Variants in RPTOR observed in about 807,000 individuals in gnomAD.
The protein encoded by RPTOR is regulatory-associated protein of mTOR.
RPTOR carries 21 observed loss-of-function variants against 169.9 expected under a neutral mutation model. That is an observed-to-expected ratio of 0.12 (90% CI 0.09 to 0.18). The LOEUF (loss-of-function observed/expected upper bound fraction) is 0.18. RPTOR is among the 10% of genes least tolerant of loss of function. RPTOR has a pLI of 1.00. For synonymous variants in RPTOR, 732 were observed against 753.2 expected (o/e 0.97, Z 0.46); for missense variants, 1,133 against 1,855.9 (o/e 0.61, Z 7.16).
chr17:80,957,663 T>G lies in RPTOR; in HGVS notation c.3410T>G (p.Leu1137Arg), dbSNP rs1471943070. The change falls in exon 29 of 34, where the codon CTC becomes CGC. Residue 1137 changes from leucine to arginine, a missense_variant. Around this residue, in one of 9 missense-constraint regions of RPTOR, gnomAD observed 410 missense variants for 623.7 expected, o/e 0.66. Transcript: ENST00000306801. The surrounding 1 kb of genome is among the most constrained non-coding windows in gnomAD (Gnocchi z 4.6). ...GTGGACTGGGAGCAGGAGACCGGCC[T>G]CCTCATGAGCTCAGGAGACGTGCGG... Reference protein sequence around the residue: ...MVVDWEQETGLLMSSGDVRIV... With the variant: ...MVVDWEQETGRLMSSGDVRIV... The G allele has an allele frequency of 6.2e-7, 1 of 1,614,146 alleles. No individual in the cohort carries two copies. Among genetic ancestry groups the G allele is most frequent in the Admixed American group, 1.7e-5 (1 of 60,034 alleles).
chr17:80,689,710 A>T (rs1253475860), intron 3 of RPTOR, among the ~76,000 whole-genome samples: 2 of 152,250 alleles, frequency 1.3e-5, no homozygotes, highest in Admixed American at 1.3e-4. Context: ...TTTCTGAGAC[A>T]TATCACTATC....
chr17:80,864,371 A>T (rs58494676), intron 13 of RPTOR, among the ~76,000 whole-genome samples: 1 of 124,480 alleles, frequency 8.0e-6, no homozygotes, highest in Admixed American at 7.6e-5. Context: ...AAAAGGTGAG[A>T]ATGATGGCAA....
intron 1 of RPTOR, among the ~76,000 whole-genome samples, chr17:80,570,216 G>A (rs1027040074): frequency 3.9e-5 from 6 of 152,064 alleles, no homozygotes; most frequent in Admixed American, 3.3e-4. Context: ...CAGGGACCAC[G>A]TTCCTGTATG....
chr17:80,915,489 C>T (rs577756591), intron 21 of RPTOR, among the ~76,000 whole-genome samples: 19 of 134,300 alleles, frequency 1.4e-4, no homozygotes, highest in African/African-American at 5.1e-4. Flanking sequence ...GAGTTAACCA[C>T]TCCAGGGTCT....
intron 20 of RPTOR, among the ~76,000 whole-genome samples, chr17:80,902,650 A>G (rs2068491083): frequency 1.3e-5 from 2 of 152,242 alleles, no homozygotes; most frequent in African/African-American, 4.8e-5. Context: ...GGAGCTGCTC[A>G]GGATGGAAGG....
At chr17:80,677,180 C>A (rs577241676) in intron 3 of RPTOR, among the ~76,000 whole-genome samples, 4 of 152,138 alleles carry the variant, frequency 2.6e-5, no homozygotes, top group Non-Finnish European at 5.9e-5. Flanking sequence ...GTGAATATAC[C>A]TCTTTTTTAA....
At chr17:80,740,367 G>A (rs1196015729) in intron 5 of RPTOR, among the ~76,000 whole-genome samples, 1 of 152,140 alleles carries the variant, frequency 6.6e-6, no homozygotes. Flanking sequence ...CACCGGTTTT[G>A]TACAAGCTCT....
chr17:80,947,481 C>A lies in RPTOR; in HGVS notation c.3265+130C>A. On this transcript the variant is annotated intron_variant, in intron 27 of 33. Transcript: ENST00000306801. This position sits in a 1 kb window ranked among gnomAD's most constrained non-coding sequence, Gnocchi z 4.4. Reference sequence around the variant, plus strand: ...CCTGCTCACACGCGAGGGCCACTGTCATTCAGAAGTGGGGAGGTTTATGAG... The same window carrying A: ...CCTGCTCACACGCGAGGGCCACTGTAATTCAGAAGTGGGGAGGTTTATGAG... The A allele has an allele frequency of 8.2e-7, 1 of 1,223,284 alleles. No homozygotes were observed. Among genetic ancestry groups the A allele is most frequent in the Non-Finnish European group, 1.1e-6 (1 of 945,656 alleles). The allele number at this position is 1,223,284 out of a possible 1,614,324, so 75.8% of individuals were successfully genotyped here. A position where few individuals can be genotyped will look rare whatever the true frequency, so the allele number is the denominator to read the frequency against.
intron 7 of RPTOR, among the ~76,000 whole-genome samples, chr17:80,810,686 G>T (rs934977013): frequency 4.6e-5 from 7 of 152,154 alleles, no homozygotes; most frequent in African/African-American, 1.7e-4. Flanking sequence ...CTGAGATTTT[G>T]ACTGGAATTA....
chr17:80,623,497 T>C (rs1450967113), intron 1 of RPTOR, among the ~76,000 whole-genome samples: 1 of 152,190 alleles, frequency 6.6e-6, no homozygotes, highest in African/African-American at 2.4e-5. Context: ...ATCAGAGTAA[T>C]TGAGATACCT....
intron 1 of RPTOR, among the ~76,000 whole-genome samples, chr17:80,596,822 G>A (rs1169751778): frequency 6.6e-6 from 1 of 152,100 alleles, no homozygotes; most frequent in Admixed American, 6.5e-5. Flanking sequence ...TCACCACCAC[G>A]CCACAGGGTT....
chr17:80,834,529 G>A (rs1286133263), intron 9 of RPTOR, among the ~76,000 whole-genome samples: 3 of 152,180 alleles, frequency 2.0e-5, no homozygotes, highest in Non-Finnish European at 4.4e-5. Context: ...GGTCTGAAAT[G>A]TGGAGCTGGG....
At chr17:80,762,160 T>A (rs1368028407) in intron 6 of RPTOR, among the ~76,000 whole-genome samples, 1 of 152,232 alleles carries the variant, frequency 6.6e-6, no homozygotes, top group African/African-American at 2.4e-5. Context: ...AGCTCCCGTT[T>A]TAAAAGATGA....
In RPTOR at chr17:80,727,111, C is replaced by T. The variant is rs192701860; in HGVS notation, c.508-3449C>T. Among the ~76,000 whole-genome samples the T allele has an allele frequency of 1.4e-3, 200 of 144,852 alleles. 1 individual carries two copies. The highest frequency in any genetic ancestry group is 1.7e-3 in the East Asian group (8 of 4,810). ...GGACGCTGCACCTCTGACCACGTCA[C>T]GCTCCGAGAACATGGACGCTGCACC... On this transcript the variant is annotated intron_variant, in intron 4 of 33. Transcript: ENST00000306801.
chr17:80,574,234 G>A (rs928991411), intron 1 of RPTOR, among the ~76,000 whole-genome samples: 5 of 143,996 alleles, frequency 3.5e-5, no homozygotes, highest in Admixed American at 2.2e-4. Context: ...GCGCAATCTC[G>A]GCTCACTGCA....
At chr17:80,799,272 A>C (rs1013354464) in intron 7 of RPTOR, among the ~76,000 whole-genome samples, 6 of 152,208 alleles carry the variant, frequency 3.9e-5, no homozygotes, top group African/African-American at 1.4e-4. Flanking sequence ...AATCCTAAGG[A>C]CTGTAGACCG....
intron 6 of RPTOR, among the ~76,000 whole-genome samples, chr17:80,769,890 A>T (rs2066824939): frequency 6.6e-6 from 1 of 151,740 alleles, no homozygotes. Context: ...TTCTGTTGGC[A>T]GTGCCTTCTT....
chr17:80,629,496 C>T lies in RPTOR; in HGVS notation c.265+3703C>T, dbSNP rs185883273. 5.8e-4 allele frequency among the ~76,000 whole-genome samples: 88 copies of T among 151,352 alleles called. 1 individual carries two copies. The highest frequency in any genetic ancestry group is 2.0e-3 in the African/African-American group (82 of 41,126). ...ATGTATTGCGCTGTTGGACATTGTA[C>T]CACAACTCTTCTGTGTGTCTCTCTC... On this transcript the variant is annotated intron_variant, in intron 2 of 33. Coordinates refer to ENST00000306801, the MANE Select transcript of RPTOR (RefSeq NM_020761.3).
chr17:80,696,971 CT>C (rs2066042253), intron 3 of RPTOR, among the ~76,000 whole-genome samples: 1 of 152,214 alleles, frequency 6.6e-6, no homozygotes, highest in African/African-American at 2.4e-5. Context: ...CCGTCGCCCC[CT>C]GGCCCCATCA....
Sources: gnomAD v4.1 joint callset for allele counts (sites outside exome capture counted in the v4.1 genomes callset) on GRCh38, gnomAD v4.1.1 for gene constraint, gnomAD v4.1.1 regional missense constraint, Gnocchi (gnomAD v3.1) non-coding constraint, MANE v1.5 for transcripts, NCBI Gene and HGNC (gene_info 2026-07-23, HGNC 2026-07-21) for gene names.